Variants in RMDN2 observed in about 807,000 individuals in gnomAD.
RMDN2 encodes regulator of microtubule dynamics protein 2.
A neutral mutation model predicts 52.8 loss-of-function variants in RMDN2; 61 were observed. The observed-to-expected ratio is 1.16, with a 90% CI of 0.94 to 1.43. The LOEUF (loss-of-function observed/expected upper bound fraction) is 1.43, where lower values mean the gene tolerates loss of function less well. RMDN2 is among the 40% of genes most tolerant of loss of function. The pLI, the probability that RMDN2 is intolerant of heterozygous loss-of-function variation, is 0.00. For missense variants in RMDN2, 592 were observed against 475.3 expected (o/e 1.25, Z -2.28); for synonymous variants, 180 against 153.1 (o/e 1.18, Z -1.30).
At chr2:37,997,553 T>C (rs773418692) in intron 8 of RMDN2, 39 bp downstream of exon 8, 1 of 1,262,986 alleles carries the variant, frequency 7.9e-7, no homozygotes, top group South Asian at 1.2e-5. Context: ...GTCAGACTGA[T>C]TACCATCTGC....
At chr2:38,057,433 A>G (rs148786748) in intron 10 of RMDN2, among the ~76,000 whole-genome samples, 179 of 152,302 alleles carry the variant, frequency 1.2e-3, no homozygotes, top group African/African-American at 4.0e-3. Context: ...TACTATTTAA[A>G]AGTGTAAAAA....
chr2:38,005,793 A>G (rs1676993363), intron 10 of RMDN2, among the ~76,000 whole-genome samples: 1 of 152,174 alleles, frequency 6.6e-6, no homozygotes, highest in African/African-American at 2.4e-5. Context: ...TATGTCCTGA[A>G]TGGTAGTGCC....
chr2:37,986,913 A>C (rs1180564654), intron 5 of RMDN2, among the ~76,000 whole-genome samples: 1 of 152,126 alleles, frequency 6.6e-6, no homozygotes, highest in Non-Finnish European at 1.5e-5. Flanking sequence ...AACTAAGATC[A>C]GGAGCAAGGT....
intron 10 of RMDN2, among the ~76,000 whole-genome samples, chr2:38,004,843 C>T (rs1676843142): frequency 6.6e-6 from 1 of 151,636 alleles, no homozygotes; most frequent in East Asian, 1.9e-4. Flanking sequence ...TGCTATCCCT[C>T]CCCACTCCCC....
intron 10 of RMDN2, among the ~76,000 whole-genome samples, chr2:38,032,226 C>G (rs1680261189): frequency 6.6e-6 from 1 of 152,172 alleles, no homozygotes. Context: ...GCTCCAAAAA[C>G]TTCCCTTGGC....
At chr2:38,030,097 A>T (rs1680080408) in intron 10 of RMDN2, 1 of 152,194 alleles carries the variant, frequency 6.6e-6, no homozygotes, top group Non-Finnish European at 1.5e-5. Context: ...GGGAGCTATA[A>T]TTCCAGATGA....
At chr2:38,014,939 G>A (rs1678537957) in intron 10 of RMDN2, among the ~76,000 whole-genome samples, 1 of 152,202 alleles carries the variant, frequency 6.6e-6, no homozygotes, top group Non-Finnish European at 1.5e-5. Context: ...AATAAAACTG[G>A]TACTGCAACT....
At chr2:37,977,120 C>T (rs921343997) in intron 4 of RMDN2, among the ~76,000 whole-genome samples, 2 of 152,118 alleles carry the variant, frequency 1.3e-5, no homozygotes, top group African/African-American at 4.8e-5. Flanking sequence ...TCCATTTAAC[C>T]CTTAGTGGAC....
exon 11 of RMDN2, chr2:38,067,034 G>C (rs771193900): frequency 9.6e-5 from 154 of 1,606,242 alleles, no homozygotes; most frequent in Non-Finnish European, 1.3e-4. Context: ...CCTGTCATCT[G>C]TGAGTGTGGC....
At chr2:37,989,897 A>T (rs1217827659) in intron 6 of RMDN2, among the ~76,000 whole-genome samples, 1 of 152,114 alleles carries the variant, frequency 6.6e-6, no homozygotes, top group Non-Finnish European at 1.5e-5. Context: ...TAATCCCAGC[A>T]CTTTGGGAGG....
chr2:38,041,047 T>C (rs1214662897), intron 10 of RMDN2, among the ~76,000 whole-genome samples: 1 of 152,208 alleles, frequency 6.6e-6, no homozygotes, highest in Non-Finnish European at 1.5e-5. Context: ...GCAATTGACT[T>C]TTGTATATTA....
upstream of RMDN2, among the ~76,000 whole-genome samples, chr2:37,924,715 C>T (rs1397450874): frequency 6.6e-6 from 1 of 152,198 alleles, no homozygotes; most frequent in African/African-American, 2.4e-5. Context: ...ATACAAACCA[C>T]AGAAAGCTGG....
chr2:38,023,932 T>C (rs1679578758), intron 10 of RMDN2, among the ~76,000 whole-genome samples: 1 of 152,144 alleles, frequency 6.6e-6, no homozygotes, highest in South Asian at 2.1e-4. Flanking sequence ...CTTGGTAATC[T>C]CTCCCTCTTG....
chr2:37,926,788 T>C (rs1217140693), intron 1 of RMDN2, among the ~76,000 whole-genome samples: 1 of 152,170 alleles, frequency 6.6e-6, no homozygotes, highest in Non-Finnish European at 1.5e-5. Flanking sequence ...ATGTAAAAAT[T>C]AGCCGGGCGT....
At chr2:37,931,973 C>T (rs771965265) in intron 2 of RMDN2, among the ~76,000 whole-genome samples, 3 of 152,028 alleles carry the variant, frequency 2.0e-5, no homozygotes, top group African/African-American at 4.8e-5. Flanking sequence ...CTGTTTAGCT[C>T]TCCTTTAGAA....
chr2:37,947,668 A>G (rs2124945734), intron 2 of RMDN2, among the ~76,000 whole-genome samples: 1 of 152,338 alleles, frequency 6.6e-6, no homozygotes. Flanking sequence ...AATGTAATGA[A>G]TTGAATAGTT....
At chr2:37,971,787 C>G (rs1045072055) in intron 2 of RMDN2, among the ~76,000 whole-genome samples, 6 of 152,224 alleles carry the variant, frequency 3.9e-5, no homozygotes, top group South Asian at 4.2e-4. Context: ...TGGGGTAAGT[C>G]TTCTCTCCTT....
At chr2:38,002,108 T>C (rs1461755198) in intron 8 of RMDN2, among the ~76,000 whole-genome samples, 2 of 152,224 alleles carry the variant, frequency 1.3e-5, no homozygotes, top group Admixed American at 6.5e-5. Context: ...CCTTCTCTTT[T>C]GGATTCTGTA....
At chr2:37,992,826 A>G (rs1318931864) in intron 7 of RMDN2, among the ~76,000 whole-genome samples, 3 of 152,312 alleles carry the variant, frequency 2.0e-5, no homozygotes, top group Middle Eastern at 3.4e-3. Flanking sequence ...CAAAAACCCT[A>G]TAAGGTTAAT....
Sources: allele counts gnomAD v4.1 joint callset (sites outside exome capture counted in the v4.1 genomes callset), GRCh38; gene constraint gnomAD v4.1.1; transcripts MANE v1.5; gene names NCBI Gene and HGNC (gene_info 2026-07-23, HGNC 2026-07-21).